The following PDSS2 variants were observed in gnomAD, a reference collection of about 807,000 sequenced individuals.
PDSS2 encodes decaprenyl diphosphate synthase subunit 2.
A neutral mutation model predicts 44.5 loss-of-function variants in PDSS2; 31 were observed. The observed-to-expected ratio is 0.70, with a 90% CI of 0.52 to 0.94. The LOEUF is 0.94. Among genes scored for constraint, PDSS2 ranks in the 40% least tolerant of loss-of-function variants. The probability of loss-of-function intolerance (pLI) is 0.00; values close to 1 mark genes in which losing one functional copy is unlikely to be tolerated. For missense variants in PDSS2, 452 were observed against 482.2 expected (o/e 0.94, Z 0.59); for synonymous variants, 157 against 180.3 (o/e 0.87, Z 1.03).
At chr6:107,426,903 A>G (rs1358439905) in intron 1 of PDSS2, among the ~76,000 whole-genome samples, 1 of 152,156 alleles carries the variant, frequency 6.6e-6, no homozygotes, top group Non-Finnish European at 1.5e-5. Flanking sequence ...TTACAGGTTC[A>G]TAGATGGAAG....
intron 3 of PDSS2, among the ~76,000 whole-genome samples, chr6:107,269,340 CTGTGTGTG>C (rs58803876): frequency 1.4e-3 from 207 of 143,294 alleles, no homozygotes; most frequent in African/African-American, 4.1e-3. Context: ...TTTCGTGTGT[CTGTGTGTG>C]TGTGTGTGTG....
intron 1 of PDSS2, among the ~76,000 whole-genome samples, chr6:107,342,488 T>C (rs1469143933): frequency 6.6e-6 from 1 of 152,230 alleles, no homozygotes; most frequent in Non-Finnish European, 1.5e-5. Context: ...ATTTTAAAAA[T>C]TACTGTATAT....
Position 107,332,697 on chromosome 6 carries a change from T to C in PDSS2, c.431+1501A>G, listed in dbSNP as rs376827509. On this transcript the variant is annotated intron_variant, in intron 2 of 7. Transcript: ENST00000369037. The stretch of plus-strand genomic sequence containing the variant: ...TCAACTCTCCCCATTACCAGTTGTG[T>C]CACCAGAAAAAGCCTCAAAATTTTT... Among the ~76,000 whole-genome samples the C allele has an allele frequency of 1.1e-4, 16 of 152,280 alleles. No homozygotes were observed. The South Asian group carries it at 2.7e-3, about 26-fold the overall frequency.
Position 107,242,338 on chromosome 6 carries a change from A to G in PDSS2, c.702+3210T>C, listed in dbSNP as rs189267301. ...GAGTGCAGTGGCGCGATCTTGGCTC[A>G]CTGCAAGCTCCGCCTCCTGGGTTCA... On this transcript the variant is annotated intron_variant, in intron 4 of 7. Transcript: ENST00000369037. 8.1e-3 allele frequency among the ~76,000 whole-genome samples: 1,226 copies of G among 152,092 alleles called. 10 individuals are homozygous for G. The highest frequency in any genetic ancestry group is 0.012 in the Non-Finnish European group (785 of 67,974).
At position 107,379,359 on chromosome 6, in the gene PDSS2, GA is replaced by G. The variant is rs558077633; in HGVS notation, c.297-45028del. Among the ~76,000 whole-genome samples, 39 of 152,270 alleles carry G rather than the reference GA, an allele frequency of 2.6e-4. No individual in the cohort carries two copies. The East Asian group carries it at 7.3e-3, about 29-fold the overall frequency. Reference sequence around the variant, plus strand: ...TTTTGTAAACATTTCATGTGCACTTGAGAAAAGGATGTATTTTCTATTATCA... The same window carrying G: ...TTTTGTAAACATTTCATGTGCACTTGGAAAAGGATGTATTTTCTATTATCA... On this transcript the variant is annotated intron_variant, in intron 1 of 7. Coordinates refer to ENST00000369037, the MANE Select transcript of PDSS2 (RefSeq NM_020381.4).
At chr6:107,383,298 CAAAAAAAAA>C (rs35910650) in intron 1 of PDSS2, among the ~76,000 whole-genome samples, 342 of 28,438 alleles carry the variant, frequency 0.012, 3 homozygotes, top group African/African-American at 0.037. Flanking sequence ...GACTCCATCT[CAAAAAAAAA>C]AAAAAAAAAA....
At chr6:107,256,912 T>C (rs1216802693) in intron 3 of PDSS2, among the ~76,000 whole-genome samples, 2 of 152,034 alleles carry the variant, frequency 1.3e-5, no homozygotes, top group African/African-American at 4.8e-5. Flanking sequence ...CCAGGCGTGG[T>C]GGCTCACACC....
At chr6:107,335,161 CAAAAA>C (rs765731620) in intron 1 of PDSS2, among the ~76,000 whole-genome samples, 1 of 64,160 alleles carries the variant, frequency 1.6e-5, no homozygotes, top group Non-Finnish European at 3.2e-5. Context: ...ACTCTGTTTC[CAAAAA>C]AAAAAAAAAA....
chr6:107,253,235 C>T (rs1478705466), intron 3 of PDSS2, among the ~76,000 whole-genome samples: 12 of 151,962 alleles, frequency 7.9e-5, no homozygotes, highest in Non-Finnish European at 1.5e-5. Context: ...GACGGGGTTT[C>T]ACCACACTGG....
intron 4 of PDSS2, among the ~76,000 whole-genome samples, chr6:107,241,294 T>C (rs1774416867): frequency 6.7e-6 from 1 of 149,194 alleles, no homozygotes; most frequent in Admixed American, 6.7e-5. Flanking sequence ...ATGTACATTT[T>C]CACAGCTTTA....
chr6:107,320,993 G>A (rs945825511), intron 2 of PDSS2, among the ~76,000 whole-genome samples: 10 of 152,106 alleles, frequency 6.6e-5, no homozygotes, highest in African/African-American at 2.4e-4. Context: ...ACTTGAGCAC[G>A]TTATTAAATT....
intron 1 of PDSS2, among the ~76,000 whole-genome samples, chr6:107,455,681 G>T (rs1782014777): frequency 6.7e-6 from 1 of 149,476 alleles, no homozygotes; most frequent in Non-Finnish European, 1.5e-5. Flanking sequence ...TTGAACCAGG[G>T]TGTCAGAGGT....
intron 3 of PDSS2, 49 bp from the exon 4 acceptor site, chr6:107,245,668 T>G: frequency 6.2e-6 from 7 of 1,122,564 alleles, no homozygotes; most frequent in Non-Finnish European, 7.8e-6. Context: ...AATATATCTC[T>G]ATTGTTACCT....
chr6:107,397,985 C>G (rs1024547315), intron 1 of PDSS2, among the ~76,000 whole-genome samples: 2 of 151,998 alleles, frequency 1.3e-5, no homozygotes, highest in Non-Finnish European at 2.9e-5. Flanking sequence ...TAAAAAAACC[C>G]ACTCAAAATA....
intron 2 of PDSS2, among the ~76,000 whole-genome samples, chr6:107,288,318 G>A (rs755050429): frequency 7.2e-5 from 11 of 152,114 alleles, no homozygotes; most frequent in Admixed American, 1.3e-4. Context: ...AAAATATGAG[G>A]GCTGGAATAT....
Position 107,299,182 on chromosome 6 carries a change from T to C in PDSS2, c.432-24955A>G, listed in dbSNP as rs146013552. On this transcript the variant is annotated intron_variant, in intron 2 of 7. Coordinates refer to ENST00000369037, the MANE Select transcript of PDSS2 (RefSeq NM_020381.4). ...AAAAAAAAAAAAAGAAACAAACATATACCAAATAAAGAATTAAAAGAAAAA... is the reference window on the plus strand; with the variant it reads ...AAAAAAAAAAAAAGAAACAAACATACACCAAATAAAGAATTAAAAGAAAAA... 4.8e-3 allele frequency among the ~76,000 whole-genome samples: 599 copies of C among 123,658 alleles called. 4 individuals carry two copies. The highest frequency in any genetic ancestry group is 0.016 in the African/African-American group (564 of 34,252). 81.1% of individuals were successfully genotyped at this position (123,658 alleles called of 152,430 possible).
At chr6:107,384,084 T>C (rs1220346613) in intron 1 of PDSS2, among the ~76,000 whole-genome samples, 3 of 152,304 alleles carry the variant, frequency 2.0e-5, no homozygotes, top group South Asian at 4.1e-4. Context: ...ATTATTTTGT[T>C]ATAAAAAGAA....
At chr6:107,159,878 T>C (rs1771060197) in intron 7 of PDSS2, among the ~76,000 whole-genome samples, 2 of 152,156 alleles carry the variant, frequency 1.3e-5, no homozygotes, top group South Asian at 2.1e-4. Context: ...ATTTACTATA[T>C]GTAAAGAGTA....
intron 3 of PDSS2, among the ~76,000 whole-genome samples, chr6:107,247,063 CAGG>C (rs1381035015): frequency 6.6e-6 from 1 of 151,966 alleles, no homozygotes; most frequent in Non-Finnish European, 1.5e-5. Context: ...TTCCTAAATC[CAGG>C]AGGACTGAGT....
Sources: gnomAD v4.1 joint callset for allele counts (sites outside exome capture counted in the v4.1 genomes callset) on GRCh38, gnomAD v4.1.1 for gene constraint, MANE v1.5 for transcripts, NCBI Gene and HGNC (gene_info 2026-07-23, HGNC 2026-07-21) for gene names.